Variants in ING5 observed in about 807,000 individuals in gnomAD.
ING5 encodes the protein inhibitor of growth protein 5.
Under a neutral mutation model 37.4 loss-of-function variants are expected in ING5, and 17 were observed. The observed-to-expected ratio is 0.45, with a 90% CI of 0.31 to 0.68. The LOEUF (loss-of-function observed/expected upper bound fraction) is 0.68, where lower values mean the gene tolerates loss of function less well. Among genes scored for constraint, ING5 ranks in the 30% least tolerant of loss-of-function variants. ING5 has a pLI of 0.05. For synonymous variants in ING5, 123 were observed against 116.6 expected (o/e 1.06, Z -0.36); for missense variants, 233 against 311.9 (o/e 0.75, Z 1.91).
At chr2:241,702,128 C>CCCG (rs1364894203) in intron 1 of ING5, 26 bp downstream of exon 1, 1 of 1,288,148 alleles carries the variant, frequency 7.8e-7, no homozygotes, top group Non-Finnish European at 9.9e-7. Context: ...GGGCCCCGCG[C>CCCG]CCGCCGCCCA....
Position 241,722,985 on chromosome 2 carries a change from C to T in ING5, c.529C>T (p.Leu177=), listed in dbSNP as rs764457277. 1 of 1,614,176 alleles carries T rather than the reference C, an allele frequency of 6.2e-7. No individual in the cohort carries two copies. The highest frequency in any genetic ancestry group is 8.5e-7 in the Non-Finnish European group (1 of 1,180,040). Reference sequence around the variant, plus strand: ...CCTGTCCGTGCACCCCTCTGATGTGCTGGACATGCCCGTGGACCCAAACGA... The same window carrying T: ...CCTGTCCGTGCACCCCTCTGATGTGTTGGACATGCCCGTGGACCCAAACGA... ...TILSVHPSDV[L]DMPVDPNEPT... The change falls in exon 6 of 8, where the codon CTG becomes TTG. Residue 177 remains leucine (L), a synonymous_variant. Transcript: ENST00000313552.
intron 5 of ING5, among the ~76,000 whole-genome samples, chr2:241,718,316 C>G (rs2070330935): frequency 1.2e-5 from 1 of 86,492 alleles, no homozygotes. Flanking sequence ...TTTCTTCTTT[C>G]CTCCCTTCCT....
chr2:241,701,906 C>G (rs1421459061), upstream of ING5: 2 of 362,168 alleles, frequency 5.5e-6, no homozygotes, highest in Non-Finnish European at 9.6e-6. Flanking sequence ...CCCCGCAGCC[C>G]GCCGCCCGCC....
intron 2 of ING5, among the ~76,000 whole-genome samples, chr2:241,691,025 T>G (rs1361280654): frequency 6.6e-6 from 1 of 150,542 alleles, no homozygotes; most frequent in Non-Finnish European, 1.5e-5. Flanking sequence ...GCCAGGCTGG[T>G]CTTGAACTCC....
At chr2:241,705,571 G>T (rs1183270211) in intron 2 of ING5, among the ~76,000 whole-genome samples, 1 of 150,138 alleles carries the variant, frequency 6.7e-6, no homozygotes, top group Admixed American at 6.7e-5. Context: ...CTAATTTTTT[G>T]TATTTTTAGT....
At chr2:241,691,418 G>A (rs1405373318) in intron 2 of ING5, among the ~76,000 whole-genome samples, 2 of 151,302 alleles carry the variant, frequency 1.3e-5, no homozygotes, top group Non-Finnish European at 2.9e-5. Flanking sequence ...CAGCCTGGGT[G>A]ACAGAGTGAG....
intron 5 of ING5, among the ~76,000 whole-genome samples, chr2:241,716,971 TAATAAC>T (rs1413663989): frequency 1.3e-5 from 2 of 152,260 alleles, no homozygotes; most frequent in African/African-American, 4.8e-5. Context: ...TGACTACAGT[TAATAAC>T]AATATAGTCT....
Position 241,727,151 on chromosome 2 carries a change from G to T in ING5, c.*2120G>T, listed in dbSNP as rs1279245698. ...GGGGTTTCACCATATTGGCCAGACT[G>T]GTCTCAAACTCCTGGGGTCAAATGA... On this transcript the variant is annotated 3_prime_UTR_variant, in exon 8 of 8. Coordinates refer to ENST00000313552, the MANE Select transcript of ING5 (RefSeq NM_032329.6). 6.6e-6 allele frequency: 1 copy of T among 151,846 alleles called. No homozygotes were observed. Among genetic ancestry groups the T allele is most frequent in the African/African-American group, 2.4e-5 (1 of 41,318 alleles). The allele number at this position is 151,846 out of a possible 1,614,324, so 9.4% of individuals were successfully genotyped here.
chr2:241,720,426 C>T (rs1179807279), intron 5 of ING5: 2 of 1,095,972 alleles, frequency 1.8e-6, no homozygotes, highest in Admixed American at 5.2e-5. Flanking sequence ...GGGGCTCTTC[C>T]TGGAATGCAG....
At chr2:241,709,420 C>G (rs1445913140) in intron 3 of ING5, 38 bp downstream of exon 3, 2 of 1,564,106 alleles carry the variant, frequency 1.3e-6, no homozygotes, top group Non-Finnish European at 1.7e-6. Flanking sequence ...TTCCTCTGAC[C>G]TCTACTCCTG....
At position 241,704,473 on chromosome 2, in the gene ING5, C is replaced by T. The variant is rs556902811; in HGVS notation, c.38-180C>T. ...ATCCCAGCTACTCAGGAGGCGGAGG[C>T]GTGAGAATCACTTGAACCTGGGAGG... On this transcript the variant is annotated intron_variant, in intron 1 of 7. Coordinates refer to ENST00000313552, the MANE Select transcript of ING5 (RefSeq NM_032329.6). 1.4e-4 allele frequency among the ~76,000 whole-genome samples: 21 copies of T among 152,184 alleles called. No homozygotes were observed. The East Asian group carries it at 3.5e-3, about 25-fold the overall frequency.
At chr2:241,690,577 A>G (rs2069535812) in exon 2 of ING5, 1 of 398,630 alleles carries the variant, frequency 2.5e-6, no homozygotes, top group Non-Finnish European at 4.4e-6. Context: ...TGACAGCCTC[A>G]GGCCTGATTT....
chr2:241,708,309 G>A (rs978961538), intron 2 of ING5, among the ~76,000 whole-genome samples: 3 of 151,646 alleles, frequency 2.0e-5, no homozygotes, highest in African/African-American at 4.9e-5. Flanking sequence ...CTGGGTTCAC[G>A]CCATTCTCCT....
intron 2 of ING5, 119 bp downstream of exon 2, chr2:241,704,843 G>A: frequency 2.5e-6 from 2 of 785,984 alleles, no homozygotes; most frequent in Non-Finnish European, 4.5e-6. Context: ...CATTGGCCTA[G>A]CCCTGGGCCG....
chr2:241,705,002 T>G (rs1051805327), intron 2 of ING5, among the ~76,000 whole-genome samples: 1 of 152,266 alleles, frequency 6.6e-6, no homozygotes, highest in Admixed American at 6.5e-5. Context: ...TTAAATATTT[T>G]CAATTTTCAA....
chr2:241,716,184 CTGTT>C lies in ING5; in HGVS notation c.482+4118_482+4121del, dbSNP rs1422294487. Among the ~76,000 whole-genome samples the C allele has an allele frequency of 3.3e-5, 5 of 150,912 alleles. No individual in the cohort carries two copies. The South Asian group carries it at 1.0e-3, about 32-fold the overall frequency. On this transcript the variant is annotated intron_variant, in intron 5 of 7. Transcript: ENST00000313552. ...GGTTCACCATCTTGCTATTAGTTTT[CTGTT>C]TGTTCCTTCTGCTCCTTTGCTGTCT... is the stretch of plus-strand genomic sequence containing the variant.
intron 1 of ING5, among the ~76,000 whole-genome samples, chr2:241,702,379 C>A (rs867724016): frequency 5.6e-4 from 84 of 150,194 alleles, no homozygotes; most frequent in African/African-American, 1.9e-3. Flanking sequence ...GGCTTGCGGC[C>A]TCGACCCCGC....
chr2:241,696,794 A>T (rs1270990618), intron 2 of ING5, among the ~76,000 whole-genome samples: 1 of 151,956 alleles, frequency 6.6e-6, no homozygotes, highest in Admixed American at 6.6e-5. Flanking sequence ...AAAAATAATA[A>T]TAACCAAGGC....
At chr2:241,709,166 A>G in intron 2 of ING5, 50 bp from the exon 3 acceptor site, 1 of 1,553,118 alleles carries the variant, frequency 6.4e-7, no homozygotes, top group South Asian at 1.2e-5. Flanking sequence ...TCTGGTGAGC[A>G]CATCATGGTG....
Sources: gnomAD v4.1 joint callset for allele counts (sites outside exome capture counted in the v4.1 genomes callset) on GRCh38, gnomAD v4.1.1 for gene constraint, MANE v1.5 for transcripts, NCBI Gene and HGNC (gene_info 2026-07-23, HGNC 2026-07-21) for gene names.